The following ANKRD28 variants were observed in gnomAD, a reference collection of about 807,000 sequenced individuals.
ANKRD28 encodes serine/threonine-protein phosphatase 6 regulatory ankyrin repeat subunit A.
Under a neutral mutation model 126.5 loss-of-function variants are expected in ANKRD28, and 44 were observed. The observed-to-expected ratio is 0.35, with a 90% CI of 0.27 to 0.45. The LOEUF (loss-of-function observed/expected upper bound fraction) is 0.45. ANKRD28 is among the 20% of genes least tolerant of loss of function. The probability of loss-of-function intolerance (pLI) is 1.00; values close to 1 mark genes in which losing one functional copy is unlikely to be tolerated. For missense variants in ANKRD28, 1,110 were observed against 1,316.6 expected (o/e 0.84, Z 2.43); for synonymous variants, 442 against 468.5 (o/e 0.94, Z 0.73).
At chr3:15,694,856 C>T (rs879689905) in intron 16 of ANKRD28, 43 bp from the exon 17 acceptor site, 2 of 1,564,700 alleles carry the variant, frequency 1.3e-6, no homozygotes, top group Admixed American at 3.3e-5. Flanking sequence ...AGACATACTA[C>T]AGCAATTATT....
At chr3:15,688,040 G>A (rs531018953) in intron 18 of ANKRD28, among the ~76,000 whole-genome samples, 102 of 152,324 alleles carry the variant, frequency 6.7e-4, no homozygotes, top group African/African-American at 2.4e-3. Flanking sequence ...TTATTGAATA[G>A]ATAGGCACTA....
intron 1 of ANKRD28, among the ~76,000 whole-genome samples, chr3:15,828,235 T>C (rs1195963421): frequency 6.6e-6 from 1 of 152,094 alleles, no homozygotes; most frequent in African/African-American, 2.4e-5. Flanking sequence ...GAATGGTAAA[T>C]AAGTTATTTT....
At chr3:15,852,063 T>G (rs1407967710) in intron 1 of ANKRD28, among the ~76,000 whole-genome samples, 1 of 152,174 alleles carries the variant, frequency 6.6e-6, no homozygotes, top group African/African-American at 2.4e-5. Flanking sequence ...GAATGGAGGT[T>G]CGGGGGTTGA....
chr3:15,679,554 G>A lies in ANKRD28; in HGVS notation c.2399C>T (p.Thr800Ile). 2.5e-6 allele frequency: 4 copies of A among 1,611,172 alleles called. No homozygotes were observed. The highest frequency in any genetic ancestry group is 3.4e-6 in the Non-Finnish European group (4 of 1,178,228). The change falls in exon 22 of 28, where the codon ACA (threonine) becomes ATA (isoleucine). Residue 800 changes from threonine (T) to isoleucine (I), a missense_variant. Coordinates refer to ENST00000683139, the MANE Select transcript of ANKRD28 (RefSeq NM_001349278.2). ...LHWACYNGHE[T>I]CVELLLEQEV... Reference sequence around the variant, plus strand: ...CTGTTCTAAAAGCAGTTCTACACATGTCTCGTGACCTAAATAGGTGTAAAG... The same window carrying A: ...CTGTTCTAAAAGCAGTTCTACACATATCTCGTGACCTAAATAGGTGTAAAG...
At chr3:15,791,418 C>T (rs1047946403) in intron 2 of ANKRD28, among the ~76,000 whole-genome samples, 15 of 152,018 alleles carry the variant, frequency 9.9e-5, no homozygotes, top group Non-Finnish European at 2.1e-4. Flanking sequence ...AAAACAGACA[C>T]GTGTACCAAT....
intron 4 of ANKRD28, 86 bp from the exon 5 acceptor site, chr3:15,737,319 A>G: frequency 9.0e-7 from 1 of 1,108,278 alleles, no homozygotes; most frequent in East Asian, 2.6e-5. Context: ...TGTGTGTATA[A>G]ATATGTATCT....
Position 15,815,716 on chromosome 3 carries a change from T to C in ANKRD28, c.28-20410A>G, listed in dbSNP as rs1353122004. On this transcript the variant is annotated intron_variant, in intron 1 of 27. Transcript: ENST00000399451. The surrounding 1 kb of genome is among the most constrained non-coding windows in gnomAD (Gnocchi z 4.1). ...CTAAAATGTTAGAAGACATAAACTA[T>C]CCTTGGATAGTTGGAGGAAGGTCAG... 6.6e-6 allele frequency among the ~76,000 whole-genome samples: 1 copy of C among 152,164 alleles called. No individual in the cohort carries two copies. The highest frequency in any genetic ancestry group is 1.5e-5 in the Non-Finnish European group (1 of 68,032).
rs539322446 is a variant in ANKRD28 at position 15,836,171 on chromosome 3, CTCTT to C, written c.27+23202_27+23205del. 3.4e-4 allele frequency among the ~76,000 whole-genome samples: 52 copies of C among 152,118 alleles called. 5 individuals are homozygous for C. The highest frequency in any genetic ancestry group is 9.8e-4 in the Admixed American group (15 of 15,288). ...AATATAAAAGACTATAAATGTTTTT[CTCTT>C]TCTTCTTTAAAAGATAAACTCTATA... On this transcript the variant is annotated intron_variant, in intron 1 of 27. Coordinates refer to the ANKRD28 transcript ENST00000399451.
upstream of ANKRD28, chr3:15,798,079 T>C (rs947056646): frequency 3.0e-6 from 3 of 985,244 alleles, no homozygotes; most frequent in East Asian, 1.1e-4. Context: ...CTGTGACTAA[T>C]CCAAATCAAA....
chr3:15,756,852 G>T (rs990872049), intron 3 of ANKRD28, among the ~76,000 whole-genome samples: 2 of 152,168 alleles, frequency 1.3e-5, no homozygotes, highest in African/African-American at 4.8e-5. Flanking sequence ...ATTTCATTCT[G>T]CAAGACAACT....
Position 15,795,348 on chromosome 3 carries a change from G to C in ANKRD28, c.118-42C>G, listed in dbSNP as rs367736221. ...TAATAAAAACATTAGAATCATCCAT[G>C]TGGGGTGACTAAGGATATTTTACAT... On this transcript the variant is annotated intron_variant, in intron 1 of 27. Coordinates refer to ENST00000683139, the MANE Select transcript of ANKRD28 (RefSeq NM_001349278.2). 13 of 1,312,546 alleles carry C rather than the reference G, an allele frequency of 9.9e-6. No homozygotes were observed. The African/African-American group carries it at 1.7e-4, about 18-fold the overall frequency. 81.3% of individuals were successfully genotyped at this position (1,312,546 alleles called of 1,614,324 possible).
rs1199480255 is a variant in ANKRD28, at chr3:15,669,249, A to G, written c.*1021T>C. 6.6e-6 allele frequency: 1 copy of G among 152,208 alleles called. No individual in the cohort carries two copies. The highest frequency in any genetic ancestry group is 1.5e-5 in the Non-Finnish European group (1 of 68,030). The allele number at this position is 152,208 out of a possible 1,614,324, so 9.4% of individuals were successfully genotyped here. A position where few individuals can be genotyped will look rare whatever the true frequency, so the allele number is the denominator to read the frequency against. ...TTATTCACTTTTTCAAAACTCATAG[A>G]TCAGAATAAACAAAAAATCCCCCAA... On this transcript the variant is annotated 3_prime_UTR_variant, in exon 28 of 28. Transcript: ENST00000683139.
intron 4 of ANKRD28, among the ~76,000 whole-genome samples, chr3:15,750,992 T>C (rs1575532844): frequency 6.6e-6 from 1 of 152,002 alleles, no homozygotes; most frequent in African/African-American, 2.4e-5. Flanking sequence ...CAATGCATTT[T>C]AGAAAAGCAC....
rs575795429 is a variant in ANKRD28 at position 15,736,938 on chromosome 3, C to T, written c.552+95G>A. On this transcript the variant is annotated intron_variant, in intron 5 of 27. Transcript: ENST00000683139. ...ACAAAAATGAGAAAGATAAATAGTT[C>T]TGTATGCCTTTACTATGCAAAAATG... is the stretch of plus-strand genomic sequence containing the variant. The T allele has an allele frequency of 4.7e-5, 58 of 1,240,144 alleles. No homozygotes were observed. In the South Asian group the frequency reaches 7.3e-4, roughly 16 times the overall value. 76.8% of individuals were successfully genotyped at this position (1,240,144 alleles called of 1,614,324 possible). A position where few individuals can be genotyped will look rare whatever the true frequency, so the allele number is the denominator to read the frequency against.
chr3:15,836,979 A>G (rs2061339686), intron 1 of ANKRD28, among the ~76,000 whole-genome samples: 2 of 151,862 alleles, frequency 1.3e-5, no homozygotes, highest in Admixed American at 6.6e-5. Flanking sequence ...GGGCGCCTGT[A>G]GTCCTTGCTA....
intron 16 of ANKRD28, among the ~76,000 whole-genome samples, 173 bp downstream of exon 16, chr3:15,695,015 A>T (rs2069332242): frequency 6.6e-6 from 1 of 152,160 alleles, no homozygotes; most frequent in African/African-American, 2.4e-5. Context: ...AATGCTACTT[A>T]ATTGCCACCA....
intron 27 of ANKRD28, among the ~76,000 whole-genome samples, chr3:15,670,899 G>A (rs753085578): frequency 1.6e-4 from 24 of 152,156 alleles, no homozygotes; most frequent in Non-Finnish European, 7.3e-5. Context: ...ATTCTTTCAG[G>A]ATGGTAGGCA....
intron 3 of ANKRD28, among the ~76,000 whole-genome samples, chr3:15,760,072 T>C (rs898497569): frequency 1.3e-5 from 2 of 152,142 alleles, no homozygotes; most frequent in African/African-American, 2.4e-5. Context: ...TAAGAACTCA[T>C]TGATCTAAGA....
chr3:15,858,341 T>C (rs920791187), intron 1 of ANKRD28, among the ~76,000 whole-genome samples: 2 of 152,234 alleles, frequency 1.3e-5, no homozygotes, highest in African/African-American at 4.8e-5. Context: ...TACCTAATGA[T>C]ACACAAGGTC....
Sources: gnomAD v4.1 joint callset for allele counts (sites outside exome capture counted in the v4.1 genomes callset) on GRCh38, gnomAD v4.1.1 for gene constraint, Gnocchi (gnomAD v3.1) non-coding constraint, MANE v1.5 for transcripts, NCBI Gene and HGNC (gene_info 2026-07-23, HGNC 2026-07-21) for gene names.